EPHA6: variants seen among roughly 807,000 people sequenced by gnomAD.
The protein encoded by EPHA6 is EPH receptor A6, also known as ephrin type-A receptor 6.
In EPHA6, 50 loss-of-function variants were observed where a neutral mutation model predicts 112.0. The ratio of observed to expected loss-of-function variants is 0.45; its 90% CI spans 0.36 to 0.56. The LOEUF is 0.56. Ranked by LOEUF, EPHA6 falls within the 20% of genes least tolerant of loss-of-function variation. The pLI, the probability that EPHA6 is intolerant of heterozygous loss-of-function variation, is 0.00. For synonymous variants in EPHA6, 529 were observed against 490.7 expected (o/e 1.08, Z -1.03); for missense variants, 1,280 against 1,417.4 (o/e 0.90, Z 1.56).
In EPHA6 at chr3:96,946,323, C is replaced by A. The variant is rs148400797; in HGVS notation, c.451-41007C>A. Among the ~76,000 whole-genome samples the A allele has an allele frequency of 3.3e-5, 5 of 151,994 alleles. No homozygotes were observed. The East Asian group carries it at 7.8e-4, about 24-fold the overall frequency. Reference sequence around the variant, plus strand: ...TATCTCCTAATGCTATCCCTCCCCCCCTTCCCCCACCCCACGACAGGCCCC... The same window carrying A: ...TATCTCCTAATGCTATCCCTCCCCCACTTCCCCCACCCCACGACAGGCCCC... On this transcript the variant is annotated intron_variant, in intron 2 of 17. Coordinates refer to ENST00000389672, the MANE Select transcript of EPHA6 (RefSeq NM_001080448.3).
chr3:97,118,420 A>G (rs2047954074), intron 3 of EPHA6, among the ~76,000 whole-genome samples: 1 of 152,064 alleles, frequency 6.6e-6, no homozygotes, highest in African/African-American at 2.4e-5. Context: ...TAATGTGTAC[A>G]GTATGTTTGA....
intron 5 of EPHA6, among the ~76,000 whole-genome samples, chr3:97,288,391 C>T (rs2108680215): frequency 6.6e-6 from 1 of 152,280 alleles, no homozygotes; most frequent in East Asian, 1.9e-4. Context: ...CCAGCTGCAT[C>T]CATGTTGCTG....
At chr3:97,259,023 T>A (rs1576788726) in intron 5 of EPHA6, among the ~76,000 whole-genome samples, 1 of 152,178 alleles carries the variant, frequency 6.6e-6, no homozygotes, top group Non-Finnish European at 1.5e-5. Context: ...AGGCTCTACA[T>A]TGTAATATTT....
intron 2 of EPHA6, among the ~76,000 whole-genome samples, chr3:96,982,264 T>A (rs558085705): frequency 6.6e-6 from 1 of 152,356 alleles, no homozygotes; most frequent in Admixed American, 6.5e-5. Flanking sequence ...GTCTTTGTTC[T>A]TGTTGGTTTC....
chr3:97,148,067 C>T (rs1423247871), intron 3 of EPHA6, among the ~76,000 whole-genome samples: 4 of 151,968 alleles, frequency 2.6e-5, no homozygotes, highest in African/African-American at 9.7e-5. Flanking sequence ...TATAAAAATG[C>T]ATTTATGACT....
chr3:97,324,449 C>CTTTCTTTCTTTCTTTCTTTCTT, intron 5 of EPHA6, among the ~76,000 whole-genome samples: 1 of 145,212 alleles, frequency 6.9e-6, no homozygotes, highest in Non-Finnish European at 1.5e-5. Context: ...TTCTTTCTTT[C>CTTTCTTTCTTTCTTTCTTTCTT]TTTCTTTCTT....
At chr3:97,457,786 G>T (rs2090738545) in intron 7 of EPHA6, among the ~76,000 whole-genome samples, 1 of 152,004 alleles carries the variant, frequency 6.6e-6, no homozygotes, top group Non-Finnish European at 1.5e-5. Context: ...CAGCTTAATG[G>T]CCGGGCGCGG....
At chr3:97,541,559 C>G (rs1386880809) in intron 11 of EPHA6, among the ~76,000 whole-genome samples, 1 of 152,050 alleles carries the variant, frequency 6.6e-6, no homozygotes, top group Non-Finnish European at 1.5e-5. Context: ...AGGATCCAGT[C>G]CAGGATCCCA....
intron 3 of EPHA6, among the ~76,000 whole-genome samples, chr3:97,128,617 C>T (rs554240270): frequency 2.6e-5 from 4 of 152,094 alleles, no homozygotes; most frequent in African/African-American, 9.6e-5. Context: ...CTCCTGGGTT[C>T]GATTCTCATG....
intron 3 of EPHA6, among the ~76,000 whole-genome samples, chr3:97,053,033 T>C (rs1423230588): frequency 1.3e-5 from 2 of 152,112 alleles, no homozygotes; most frequent in Admixed American, 1.3e-4. Flanking sequence ...TAGCATATTA[T>C]CTGGCCCTTT....
chr3:97,241,824 A>G (rs2108577208), intron 4 of EPHA6, among the ~76,000 whole-genome samples: 1 of 148,666 alleles, frequency 6.7e-6, no homozygotes, highest in South Asian at 2.1e-4. Context: ...AGACACCCAT[A>G]ACATAATTGA....
rs150462727 is a variant in EPHA6 at position 97,187,058 on chromosome 3, A to C, written c.1115-39206A>C. ...TAATAAGTCTTGCATTAACTAAGTT[A>C]TGTTGTCATAAGAAATGACCCGAAA... On this transcript the variant is annotated intron_variant, in intron 3 of 17. Transcript: ENST00000389672. Among the ~76,000 whole-genome samples the C allele has an allele frequency of 1.2e-3, 186 of 152,278 alleles. 1 individual carries two copies. Among genetic ancestry groups the C allele is most frequent in the African/African-American group, 4.3e-3 (180 of 41,576 alleles).
At chr3:97,166,211 T>A (rs892649054) in intron 3 of EPHA6, among the ~76,000 whole-genome samples, 4 of 152,150 alleles carry the variant, frequency 2.6e-5, no homozygotes, top group Non-Finnish European at 5.9e-5. Context: ...ACACTAGATA[T>A]TGTTCTCAGT....
intron 3 of EPHA6, among the ~76,000 whole-genome samples, chr3:97,224,662 G>A (rs1482222751): frequency 2.0e-5 from 3 of 151,612 alleles, no homozygotes; most frequent in Non-Finnish European, 4.4e-5. Flanking sequence ...GTGGTTCTAT[G>A]GCATACATAT....
chr3:97,176,699 C>T (rs2076844892), intron 3 of EPHA6, among the ~76,000 whole-genome samples: 1 of 151,822 alleles, frequency 6.6e-6, no homozygotes, highest in Non-Finnish European at 1.5e-5. Flanking sequence ...TCATAGTAGC[C>T]ACTAATTATC....
chr3:97,183,730 C>T (rs1038498300), intron 3 of EPHA6, among the ~76,000 whole-genome samples: 6 of 151,896 alleles, frequency 4.0e-5, no homozygotes, highest in East Asian at 1.9e-4. Context: ...CATAGATGTT[C>T]GTGTTTTCCT....
chr3:97,311,442 TCACA>T (rs35415439), intron 5 of EPHA6, among the ~76,000 whole-genome samples: 6,059 of 144,090 alleles, frequency 0.042, 283 homozygotes, highest in African/African-American at 0.12. Flanking sequence ...GATTACACTT[TCACA>T]CACACACACA....
chr3:97,185,618 A>C (rs576870495), intron 3 of EPHA6, among the ~76,000 whole-genome samples: 7 of 152,014 alleles, frequency 4.6e-5, no homozygotes, highest in Admixed American at 1.3e-4. Flanking sequence ...GTTGGTGGGA[A>C]TGTAAACTAG....
At chr3:97,104,505 G>A (rs771846099) in intron 3 of EPHA6, among the ~76,000 whole-genome samples, 38 of 151,980 alleles carry the variant, frequency 2.5e-4, no homozygotes, top group Non-Finnish European at 5.1e-4. Flanking sequence ...CTACTTGATC[G>A]TGGTGGATAA....
Sources: gnomAD v4.1 joint callset for allele counts (sites outside exome capture counted in the v4.1 genomes callset) on GRCh38, gnomAD v4.1.1 for gene constraint, MANE v1.5 for transcripts, NCBI Gene and HGNC (gene_info 2026-07-23, HGNC 2026-07-21) for gene names.